Variants in RANBP17 observed in about 807,000 individuals in gnomAD.
RANBP17 encodes the protein RAN binding protein 17.
A neutral mutation model predicts 141.2 loss-of-function variants in RANBP17; 158 were observed. The observed-to-expected ratio is 1.12, with a 90% CI of 0.98 to 1.28. The LOEUF is 1.28. Among genes scored for constraint, RANBP17 ranks in the 50% most tolerant of loss-of-function variants. The probability of loss-of-function intolerance (pLI) is 0.00; values close to 1 mark genes in which losing one functional copy is unlikely to be tolerated. For missense variants in RANBP17, 1,438 were observed against 1,290.7 expected, an observed-to-expected ratio of 1.11 and a Z score of -1.75; for synonymous variants, 430 against 450.0, an observed-to-expected ratio of 0.96 and a Z score of 0.56.
intron 25 of RANBP17, among the ~76,000 whole-genome samples, chr5:171,277,637 G>GTATGTATATGTATATATATGTATA (rs1554127913): frequency 3.5e-5 from 2 of 56,904 alleles, no homozygotes; most frequent in Non-Finnish European, 6.7e-5. Flanking sequence ...ATATATGTAT[G>GTATGTATATGTATATATATGTATA]TATATATATA....
intron 13 of RANBP17, among the ~76,000 whole-genome samples, chr5:170,954,318 A>G (rs945467773): frequency 1.3e-5 from 2 of 152,172 alleles, no homozygotes; most frequent in Admixed American, 1.3e-4. Context: ...GTTATTTTGT[A>G]AAGTCCGTTT....
At chr5:170,914,484 C>A (rs1438915589) in intron 8 of RANBP17, among the ~76,000 whole-genome samples, 1 of 152,060 alleles carries the variant, frequency 6.6e-6, no homozygotes, top group East Asian at 1.9e-4. Context: ...TTGCCCAGAG[C>A]CAGGACAACC....
At chr5:171,057,004 A>G (rs543064981) in intron 14 of RANBP17, among the ~76,000 whole-genome samples, 2 of 152,286 alleles carry the variant, frequency 1.3e-5, no homozygotes, top group Admixed American at 1.3e-4. Flanking sequence ...CCTTTGCGTT[A>G]GTGCACTATT....
At chr5:171,106,187 T>A (rs550808244) in intron 14 of RANBP17, among the ~76,000 whole-genome samples, 2 of 152,348 alleles carry the variant, frequency 1.3e-5, no homozygotes, top group African/African-American at 4.8e-5. Flanking sequence ...GTACTGTGAC[T>A]GAGGTAAACA....
intron 14 of RANBP17, among the ~76,000 whole-genome samples, chr5:170,994,101 A>G (rs925503309): frequency 5.3e-5 from 8 of 151,984 alleles, no homozygotes; most frequent in Admixed American, 3.9e-4. Context: ...GGGAAATGCT[A>G]TCTAGACCAG....
At chr5:171,021,017 C>T (rs1561995296) in intron 14 of RANBP17, among the ~76,000 whole-genome samples, 1 of 152,124 alleles carries the variant, frequency 6.6e-6, no homozygotes, top group Non-Finnish European at 1.5e-5. Flanking sequence ...GATTTTATTT[C>T]TCCTTCACTT....
At chr5:171,038,727 T>C (rs982052307) in intron 14 of RANBP17, among the ~76,000 whole-genome samples, 1 of 152,168 alleles carries the variant, frequency 6.6e-6, no homozygotes, top group African/African-American at 2.4e-5. Context: ...TTTTTCCACA[T>C]CTATTGAGAT....
intron 12 of RANBP17, among the ~76,000 whole-genome samples, chr5:170,938,307 C>T (rs1363343189): frequency 6.6e-6 from 1 of 152,132 alleles, no homozygotes; most frequent in Non-Finnish European, 1.5e-5. Context: ...CCCTGGCTTC[C>T]AGCAGAAGGG....
At chr5:171,125,296 C>CAAAAAAAAAAAA (rs3083436) in intron 14 of RANBP17, among the ~76,000 whole-genome samples, 3 of 85,964 alleles carry the variant, frequency 3.5e-5, no homozygotes, top group African/African-American at 8.9e-5. Flanking sequence ...GACTATGTAT[C>CAAAAAAAAAAAA]AAAAAAAAAA....
intron 5 of RANBP17, among the ~76,000 whole-genome samples, chr5:170,896,760 G>T (rs900842463): frequency 6.6e-6 from 1 of 152,224 alleles, no homozygotes. Flanking sequence ...AACCCGGGAG[G>T]CAGAGATTGC....
chr5:171,015,165 T>G (rs1780344601), intron 14 of RANBP17, among the ~76,000 whole-genome samples: 1 of 152,132 alleles, frequency 6.6e-6, no homozygotes, highest in Non-Finnish European at 1.5e-5. Flanking sequence ...GTGCTTGGAG[T>G]TGAGCTTCTT....
chr5:171,073,292 A>G (rs998288389), intron 14 of RANBP17, among the ~76,000 whole-genome samples: 5 of 152,210 alleles, frequency 3.3e-5, no homozygotes, highest in African/African-American at 1.2e-4. Context: ...AACTGACCTA[A>G]GTAACTTTGG....
At chr5:171,218,257 G>A (rs1763343745) in intron 21 of RANBP17, among the ~76,000 whole-genome samples, 1 of 152,198 alleles carries the variant, frequency 6.6e-6, no homozygotes, top group African/African-American at 2.4e-5. Flanking sequence ...CTGAGAGACA[G>A]TTTGTTATGA....
At chr5:171,202,423 A>C (rs1029710228) in intron 19 of RANBP17, among the ~76,000 whole-genome samples, 1 of 152,196 alleles carries the variant, frequency 6.6e-6, no homozygotes, top group African/African-American at 2.4e-5. Context: ...AGAGAAAGAG[A>C]AGCAGTTAAA....
chr5:170,981,017 G>A (rs956901052), intron 14 of RANBP17, among the ~76,000 whole-genome samples: 1 of 152,232 alleles, frequency 6.6e-6, no homozygotes, highest in Non-Finnish European at 1.5e-5. Flanking sequence ...TGACCTGGAT[G>A]TGAGACATGG....
intron 14 of RANBP17, among the ~76,000 whole-genome samples, chr5:170,982,581 A>C (rs188568121): frequency 7.9e-5 from 12 of 152,356 alleles, no homozygotes; most frequent in Non-Finnish European, 1.8e-4. Context: ...AATGCAGAAC[A>C]GAAAGTTAAA....
At chr5:171,078,559 G>C (rs572315917) in intron 14 of RANBP17, among the ~76,000 whole-genome samples, 1 of 152,200 alleles carries the variant, frequency 6.6e-6, no homozygotes, top group South Asian at 2.1e-4. Context: ...TGGCTTGAAA[G>C]CTTCAAAAGA....
intron 14 of RANBP17, among the ~76,000 whole-genome samples, chr5:171,098,921 G>A (rs113561586): frequency 0.013 from 1,976 of 152,164 alleles, 44 homozygotes; most frequent in African/African-American, 0.045. Context: ...AAAATCAGAT[G>A]GTTGTAGATG....
chr5:170,915,083 T>C (rs1771837934), intron 8 of RANBP17, among the ~76,000 whole-genome samples: 1 of 152,168 alleles, frequency 6.6e-6, no homozygotes, highest in South Asian at 2.1e-4. Context: ...GGGTACCTCA[T>C]GTTTCCAGTT....
Sources: allele counts gnomAD v4.1 joint callset (sites outside exome capture counted in the v4.1 genomes callset), GRCh38; gene constraint gnomAD v4.1.1; transcripts MANE v1.5; gene names NCBI Gene and HGNC (gene_info 2026-07-23, HGNC 2026-07-21).